PXK: variants seen among roughly 807,000 people sequenced by gnomAD.
PXK encodes PX domain containing serine/threonine kinase like.
A neutral mutation model predicts 84.7 loss-of-function variants in PXK; 35 were observed. The ratio of observed to expected loss-of-function variants is 0.41; its 90% CI spans 0.32 to 0.55. PXK has a LOEUF of 0.55. Among genes scored for constraint, PXK ranks in the 20% least tolerant of loss-of-function variants. The probability of loss-of-function intolerance (pLI) is 0.21; values close to 1 mark genes in which losing one functional copy is unlikely to be tolerated. For missense variants in PXK, 634 were observed against 699.7 expected, an observed-to-expected ratio of 0.91 and a Z score of 1.06; for synonymous variants, 253 against 260.8, an observed-to-expected ratio of 0.97 and a Z score of 0.29.
chr3:58,395,581 CTG>C (rs1379259359), intron 8 of PXK, 75 bp from the exon 9 acceptor site: 1 of 1,160,074 alleles, frequency 8.6e-7, no homozygotes, highest in Non-Finnish European at 1.3e-6. Flanking sequence ...CTGTAGAATC[CTG>C]CCTGGTCAGG....
rs761794047 is a variant in PXK, at chr3:58,424,843, G to A, written c.1620G>A (p.Ser540=). 93 of 1,614,014 alleles carry A rather than the reference G, an allele frequency of 5.8e-5. No homozygotes were observed. The highest frequency in any genetic ancestry group is 2.5e-4 in the East Asian group (11 of 44,894). The part of the protein sequence containing the change: ...PASTEAPAQL[S]SQAVNGMSRG... The stretch of plus-strand genomic sequence containing the variant: ...GCACCGAGGCACCTGCCCAGCTCTC[G>A]TCTCAGGCTGTGAATGGCATGAGCC... The change falls in exon 18 of 18, where the codon TCG becomes TCA. Residue 540 remains serine, a synonymous_variant. Transcript: ENST00000356151.
At position 58,398,151 on chromosome 3, in the gene PXK, A is replaced by G. The variant is rs1375404493; in HGVS notation, c.1102+429A>G. On this transcript the variant is annotated intron_variant, in intron 11 of 17. Coordinates refer to ENST00000356151, the MANE Select transcript of PXK (RefSeq NM_017771.5). The surrounding 1 kb of genome is among the most constrained non-coding windows in gnomAD (Gnocchi z 4.5). The stretch of plus-strand genomic sequence containing the variant: ...CATGGTGGCTCACACCTGTAATCCC[A>G]GCACTTTGGAAGGCCGAGGTGGGTG... Among the ~76,000 whole-genome samples, 1 of 152,204 alleles carries G rather than the reference A, an allele frequency of 6.6e-6. No homozygotes were observed. The highest frequency in any genetic ancestry group is 2.4e-5 in the African/African-American group (1 of 41,446).
At chr3:58,361,798 A>G (rs1354699243) in intron 1 of PXK, among the ~76,000 whole-genome samples, 4 of 152,230 alleles carry the variant, frequency 2.6e-5, no homozygotes, top group South Asian at 2.1e-4. Context: ...TAAAGTTGCT[A>G]TGAACATTTG....
intron 9 of PXK, 88 bp from the exon 10 acceptor site, chr3:58,396,951 A>C (rs955560495): frequency 8.5e-6 from 12 of 1,406,362 alleles, no homozygotes; most frequent in Non-Finnish European, 1.2e-5. Flanking sequence ...GTTTTGTTTC[A>C]AAATATATTG....
rs562369141 is a variant in PXK at position 58,409,304 on chromosome 3, T to G, written c.1309-228T>G. Among the ~76,000 whole-genome samples, 1 of 152,250 alleles carries G rather than the reference T, an allele frequency of 6.6e-6. No homozygotes were observed. On this transcript the variant is annotated intron_variant, in intron 14 of 17. Transcript: ENST00000356151. The surrounding 1 kb of genome is among the most constrained non-coding windows in gnomAD (Gnocchi z 4.2). Reference sequence around the variant, plus strand: ...ATGCTGTCTCACCACATTCTTCTTCTGTAAAAGAGGGAAAGGCAGGAAGGC... The same window carrying G: ...ATGCTGTCTCACCACATTCTTCTTCGGTAAAAGAGGGAAAGGCAGGAAGGC...
At chr3:58,418,017 C>T (rs1246254641) in intron 17 of PXK, among the ~76,000 whole-genome samples, 1 of 152,102 alleles carries the variant, frequency 6.6e-6, no homozygotes, top group Non-Finnish European at 1.5e-5. Flanking sequence ...ACGGGTTTTG[C>T]CATGTTGCCC....
At chr3:58,392,602 G>A (rs1345087203) in intron 7 of PXK, among the ~76,000 whole-genome samples, 1 of 151,930 alleles carries the variant, frequency 6.6e-6, no homozygotes, top group Admixed American at 6.6e-5. Flanking sequence ...CCAAAAAGAC[G>A]CTTTAGTCTT....
intron 4 of PXK, among the ~76,000 whole-genome samples, chr3:58,387,152 G>A (rs2098558093): frequency 6.6e-6 from 1 of 152,140 alleles, no homozygotes; most frequent in Admixed American, 6.5e-5. Context: ...TGAGCTCTGT[G>A]GGAAGTACAG....
intron 3 of PXK, among the ~76,000 whole-genome samples, chr3:58,378,239 T>G (rs1461618787): frequency 6.6e-6 from 1 of 152,166 alleles, no homozygotes; most frequent in Admixed American, 6.5e-5. Flanking sequence ...ATTAGAAGAT[T>G]GTTTTAGAGG....
rs974243429 is a variant in PXK, at chr3:58,397,805, C to T, written c.1102+83C>T. The T allele has an allele frequency of 5.3e-5, 60 of 1,137,652 alleles. No homozygotes were observed. The highest frequency in any genetic ancestry group is 8.1e-5 in the Admixed American group (4 of 49,466). 70.5% of individuals were successfully genotyped at this position (1,137,652 alleles called of 1,614,324 possible). ...CCCCTTTCCAGAGTCCAGGAAAGACCCAGAGGAAGTTGCTGTCCTCCACAG... is the reference window on the plus strand; with the variant it reads ...CCCCTTTCCAGAGTCCAGGAAAGACTCAGAGGAAGTTGCTGTCCTCCACAG... On this transcript the variant is annotated intron_variant, in intron 11 of 17. Transcript: ENST00000356151. This position sits in a 1 kb window ranked among gnomAD's most constrained non-coding sequence, Gnocchi z 4.7.
chr3:58,365,078 T>C (rs1363777150), intron 1 of PXK, among the ~76,000 whole-genome samples: 1 of 151,908 alleles, frequency 6.6e-6, no homozygotes, highest in Non-Finnish European at 1.5e-5. Flanking sequence ...GCTCTTCTTT[T>C]TCTAGGTTCT....
rs764102585 is a variant in PXK at position 58,390,370 on chromosome 3, A to C, written c.389-212A>C. On this transcript the variant is annotated intron_variant, in intron 4 of 17. Coordinates refer to ENST00000356151, the MANE Select transcript of PXK (RefSeq NM_017771.5). The surrounding 1 kb of genome is among the most constrained non-coding windows in gnomAD (Gnocchi z 4.2). ...TTCAGATTTTACCAGTTTTTCTGCT[A>C]GTGTACTTTTTCTATTCCAGGGTCC... 1.2e-4 allele frequency among the ~76,000 whole-genome samples: 19 copies of C among 152,102 alleles called. No individual in the cohort carries two copies. Among genetic ancestry groups the C allele is most frequent in the Non-Finnish European group, 2.9e-5 (2 of 68,026 alleles).
In PXK at chr3:58,403,874, T is replaced by C; in HGVS notation, c.1194T>C (p.Asp398=). 1 of 1,548,262 alleles carries C rather than the reference T, an allele frequency of 6.5e-7. No individual in the cohort carries two copies. The highest frequency in any genetic ancestry group is 8.8e-7 in the Non-Finnish European group (1 of 1,138,132). The change falls in exon 13 of 18, where the codon GAT becomes GAC. Residue 398 remains aspartate, a synonymous_variant. Transcript: ENST00000356151. ...SRLLQMPLFS[D]VLLTTSEKPQ... ...CTTTTCTTTACAGATTATTCAGCGA[T>C]GTTTTACTAACCACTTCTGAAAAAC... is the stretch of plus-strand genomic sequence containing the variant.
intron 2 of PXK, among the ~76,000 whole-genome samples, chr3:58,368,399 T>C (rs2098310445): frequency 6.6e-6 from 1 of 152,206 alleles, no homozygotes; most frequent in Non-Finnish European, 1.5e-5. Context: ...CTCTGCTCAC[T>C]GCAATCTCTG....
chr3:58,410,694 T>A (rs1320896019), intron 16 of PXK, among the ~76,000 whole-genome samples: 2 of 152,220 alleles, frequency 1.3e-5, no homozygotes, highest in Non-Finnish European at 2.9e-5. Flanking sequence ...CTGCTGGCTT[T>A]GGGCCATAAT....
At chr3:58,338,267 G>A (rs181649433) in intron 1 of PXK, among the ~76,000 whole-genome samples, 188 of 150,866 alleles carry the variant, frequency 1.2e-3, no homozygotes, top group Non-Finnish European at 2.2e-3. Context: ...TTTAACCCGG[G>A]AGGTGGAGGC....
intron 3 of PXK, among the ~76,000 whole-genome samples, chr3:58,372,075 A>G (rs1559961223): frequency 6.6e-6 from 1 of 152,104 alleles, no homozygotes; most frequent in Non-Finnish European, 1.5e-5. Flanking sequence ...TCCAATAGGA[A>G]CATGTCTAAG....
At chr3:58,361,856 T>A (rs1260183096) in intron 1 of PXK, among the ~76,000 whole-genome samples, 1 of 152,258 alleles carries the variant, frequency 6.6e-6, no homozygotes, top group Non-Finnish European at 1.5e-5. Flanking sequence ...TTGGAATAAA[T>A]GTCTAGGAAT....
At chr3:58,406,115 C>A (rs181488883) in intron 13 of PXK, among the ~76,000 whole-genome samples, 2 of 151,860 alleles carry the variant, frequency 1.3e-5, no homozygotes, top group Non-Finnish European at 2.9e-5. Flanking sequence ...TACAAGCATG[C>A]GCCACCACGC....
Sources: allele counts gnomAD v4.1 joint callset (sites outside exome capture counted in the v4.1 genomes callset), GRCh38; gene constraint gnomAD v4.1.1; non-coding constraint Gnocchi (gnomAD v3.1); transcripts MANE v1.5; gene names NCBI Gene and HGNC (gene_info 2026-07-23, HGNC 2026-07-21).